The following STK3 variants were observed in gnomAD, a reference collection of about 807,000 sequenced individuals.
STK3 encodes serine/threonine-protein kinase 3.
A neutral mutation model predicts 58.0 loss-of-function variants in STK3; 41 were observed. The ratio of observed to expected loss-of-function variants is 0.71; its 90% CI spans 0.55 to 0.92. The LOEUF (loss-of-function observed/expected upper bound fraction) is 0.92, where lower values mean the gene tolerates loss of function less well. Among genes scored for constraint, STK3 ranks in the 40% least tolerant of loss-of-function variants. STK3 has a pLI of 0.00. For synonymous variants in STK3, 170 were observed against 191.0 expected (o/e 0.89, Z 0.91); for missense variants, 479 against 602.7 (o/e 0.79, Z 2.15).
At chr8:98,784,717 C>T (rs953114576) in intron 1 of STK3, among the ~76,000 whole-genome samples, 3 of 152,074 alleles carry the variant, frequency 2.0e-5, no homozygotes, top group Non-Finnish European at 2.9e-5. Context: ...GATTGTGGTA[C>T]AGTGGGGCCC....
At chr8:98,903,178 G>A (rs1838723988) in intron 1 of STK3, among the ~76,000 whole-genome samples, 1 of 152,166 alleles carries the variant, frequency 6.6e-6, no homozygotes, top group African/African-American at 2.4e-5. Context: ...TATAGCACAG[G>A]GAAATGGCTA....
chr8:98,424,598 G>A (rs1264697191), intron 3 of STK3, among the ~76,000 whole-genome samples: 1 of 152,206 alleles, frequency 6.6e-6, no homozygotes, highest in Non-Finnish European at 1.5e-5. Flanking sequence ...ACAGAAGGCA[G>A]AGGGCTCTCT....
upstream of STK3, among the ~76,000 whole-genome samples, chr8:98,828,328 G>A (rs1156807039): frequency 4.7e-5 from 7 of 150,492 alleles, no homozygotes; most frequent in Non-Finnish European, 7.4e-5. Flanking sequence ...AAGGCTGGGC[G>A]AGGTGGCTCA....
At chr8:98,417,787 C>T (rs939020375) in intron 3 of STK3, among the ~76,000 whole-genome samples, 9 of 152,166 alleles carry the variant, frequency 5.9e-5, no homozygotes, top group African/African-American at 1.4e-4. Context: ...ACAAAGAGGC[C>T]GTCCCAGCCA....
chr8:98,767,110 A>G, intron 3 of STK3, 133 bp downstream of exon 3: 1 of 1,128,484 alleles, frequency 8.9e-7, no homozygotes, highest in African/African-American at 1.6e-5. Flanking sequence ...AACAACGGCA[A>G]AACCCTGTCT....
intron 4 of STK3, among the ~76,000 whole-genome samples, chr8:98,742,011 C>T (rs552533142): frequency 6.2e-4 from 94 of 152,182 alleles, no homozygotes; most frequent in Admixed American, 1.8e-3. Flanking sequence ...GACACATACA[C>T]CCTCCCAAGA....
intron 8 of STK3, among the ~76,000 whole-genome samples, chr8:98,549,568 T>A (rs572713155): frequency 5.0e-4 from 76 of 152,330 alleles, no homozygotes; most frequent in African/African-American, 1.8e-3. Context: ...TTGATGTAAG[T>A]TTTTAATTTT....
At chr8:98,745,171 T>C (rs1829558188) in intron 4 of STK3, among the ~76,000 whole-genome samples, 1 of 152,186 alleles carries the variant, frequency 6.6e-6, no homozygotes, top group South Asian at 2.1e-4. Flanking sequence ...CAGCTGCATA[T>C]GTTTTACCAA....
At chr8:98,378,382 C>T (rs903290659) in intron 2 of STK3, among the ~76,000 whole-genome samples, 2 of 152,228 alleles carry the variant, frequency 1.3e-5, no homozygotes, top group South Asian at 2.1e-4. Flanking sequence ...TTATCCTATA[C>T]GTTTCAGGAT....
At chr8:98,606,633 C>T (rs1816794641) in intron 6 of STK3, among the ~76,000 whole-genome samples, 1 of 152,164 alleles carries the variant, frequency 6.6e-6, no homozygotes, top group African/African-American at 2.4e-5. Context: ...AAGGTTTAAT[C>T]AATCATTACT....
chr8:98,639,752 C>T (rs988992682), intron 6 of STK3, among the ~76,000 whole-genome samples: 2 of 152,114 alleles, frequency 1.3e-5, no homozygotes, highest in East Asian at 1.9e-4. Context: ...TCCATGTTAA[C>T]GTGAAGGTGT....
chr8:98,804,087 C>T (rs183793679), intron 1 of STK3, among the ~76,000 whole-genome samples: 93 of 152,082 alleles, frequency 6.1e-4, no homozygotes, highest in African/African-American at 2.0e-3. Flanking sequence ...CTGCAACCTC[C>T]GCCTCCCAGG....
intron 3 of STK3, among the ~76,000 whole-genome samples, chr8:98,404,190 C>CA (rs1231569717): frequency 6.6e-6 from 1 of 152,186 alleles, no homozygotes; most frequent in African/African-American, 2.4e-5. Flanking sequence ...TGCTGTCTCT[C>CA]AGAGTTCTAT....
At chr8:98,802,713 C>T (rs1421736071) in intron 1 of STK3, among the ~76,000 whole-genome samples, 1 of 151,980 alleles carries the variant, frequency 6.6e-6, no homozygotes, top group Non-Finnish European at 1.5e-5. Context: ...AATGTCCAAA[C>T]ATAAAATATT....
chr8:98,830,287 T>G (rs1012103987), upstream of STK3, among the ~76,000 whole-genome samples: 3 of 151,860 alleles, frequency 2.0e-5, no homozygotes, highest in Non-Finnish European at 4.4e-5. Flanking sequence ...TCAGGTAGGA[T>G]GGCAAAGGAA....
chr8:98,611,564 C>T (rs1012063083), intron 6 of STK3, among the ~76,000 whole-genome samples: 4 of 152,054 alleles, frequency 2.6e-5, no homozygotes, highest in Admixed American at 6.5e-5. Context: ...TTAGATTCTA[C>T]CATAAGTTAA....
chr8:98,921,210 T>C (rs1482707384), intron 1 of STK3: 2 of 151,928 alleles, frequency 1.3e-5, no homozygotes, highest in African/African-American at 4.8e-5. Flanking sequence ...GAAGGAGTTG[T>C]GTCTATCTTA....
At chr8:98,748,839 G>GT (rs905071342) in intron 4 of STK3, among the ~76,000 whole-genome samples, 17 of 149,710 alleles carry the variant, frequency 1.1e-4, no homozygotes, top group East Asian at 9.8e-4. Flanking sequence ...ATACAAAAAT[G>GT]TTTTTTTTTA....
At chr8:98,572,672 C>T (rs1405689990) in intron 8 of STK3, among the ~76,000 whole-genome samples, 1 of 152,106 alleles carries the variant, frequency 6.6e-6, no homozygotes, top group Non-Finnish European at 1.5e-5. Context: ...ATTCATTCTG[C>T]CTATCTCGTT....
Sources: gnomAD v4.1 joint callset for allele counts (sites outside exome capture counted in the v4.1 genomes callset) on GRCh38, gnomAD v4.1.1 for gene constraint, MANE v1.5 for transcripts, NCBI Gene and HGNC (gene_info 2026-07-23, HGNC 2026-07-21) for gene names.